Variants in CCDC66 observed in about 807,000 individuals in gnomAD.
CCDC66 encodes the protein coiled-coil domain-containing protein 66.
Under a neutral mutation model 128.3 loss-of-function variants are expected in CCDC66, and 133 were observed. That is an observed-to-expected ratio of 1.04 (90% confidence interval 0.90 to 1.20). CCDC66 has a LOEUF of 1.20. Among genes scored for constraint, CCDC66 ranks in the 50% most tolerant of loss-of-function variants. CCDC66 has a pLI of 0.00. For missense variants in CCDC66, 1,126 were observed against 1,075.5 expected, an observed-to-expected ratio of 1.05 and a Z score of -0.66; for synonymous variants, 387 against 357.0, an observed-to-expected ratio of 1.08 and a Z score of -0.95.
In CCDC66 at chr3:56,593,511, G is replaced by A; in HGVS notation, c.1089G>A (p.Trp363Ter). 1 of 1,614,076 alleles carries A rather than the reference G, an allele frequency of 6.2e-7. No homozygotes were observed. The highest frequency in any genetic ancestry group is 1.3e-5 in the African/African-American group (1 of 75,006). ...IYSKGEEHDR[W>*]AMHFDSLKSY... ...ATTAGGGTGAGGAACATGACAGATG[G>A]GCAATGCACTTTGATTCATTAAAGA... is the stretch of plus-strand genomic sequence containing the variant. The change falls in exon 9 of 18, where the codon TGG becomes TGA. Residue 363 changes from tryptophan to a stop codon, truncating the protein, a stop_gained. Transcript: ENST00000394672. LOFTEE classifies it high-confidence loss of function.
rs778229165 is a variant in CCDC66, at chr3:56,567,056, A to ACC, written c.814+3_814+4insCC. The ACC allele has an allele frequency of 2.5e-6, 4 of 1,606,580 alleles. No individual in the cohort carries two copies. The South Asian group carries it at 4.4e-5, about 18-fold the overall frequency. Reference sequence around the variant, plus strand: ...AGCCCAGTGGAGGAAAGAGCTAGGTAGGTAACTTTTATACCTTTATTATAG... The same window carrying ACC: ...AGCCCAGTGGAGGAAAGAGCTAGGTACCGGTAACTTTTATACCTTTATTATAG... On this transcript the variant is annotated splice_donor_region_variant and intron_variant, in intron 6 of 17. Coordinates refer to ENST00000394672, the MANE Select transcript of CCDC66 (RefSeq NM_001141947.3).
At chr3:56,580,943 T>G (rs2068256669) in intron 7 of CCDC66, among the ~76,000 whole-genome samples, 1 of 151,830 alleles carries the variant, frequency 6.6e-6, no homozygotes, top group South Asian at 2.1e-4. Context: ...TTCCTGAATT[T>G]GAATGTTGGC....
At chr3:56,591,037 C>G (rs372638713) in intron 7 of CCDC66, among the ~76,000 whole-genome samples, 10 of 152,318 alleles carry the variant, frequency 6.6e-5, no homozygotes, top group African/African-American at 2.4e-4. Flanking sequence ...GTTCTACCTA[C>G]TACCTCTCCC....
At chr3:56,617,716 G>C (rs1295492389) in intron 14 of CCDC66, 111 bp downstream of exon 14, 2 of 1,363,182 alleles carry the variant, frequency 1.5e-6, no homozygotes, top group Middle Eastern at 1.9e-4. Context: ...TTACATTAGG[G>C]ATCAGCAAAC....
intron 10 of CCDC66, among the ~76,000 whole-genome samples, chr3:56,609,636 G>A (rs2074526103): frequency 6.6e-6 from 1 of 152,030 alleles, no homozygotes; most frequent in Non-Finnish European, 1.5e-5. Flanking sequence ...GCGTACTTTG[G>A]ATTTGTTTTT....
intron 17 of CCDC66, 34 bp downstream of exon 17, chr3:56,619,935 C>CT (rs2076143804): frequency 6.2e-7 from 1 of 1,601,520 alleles, no homozygotes; most frequent in Admixed American, 1.7e-5. Flanking sequence ...TATGTCTGTT[C>CT]TTTATGTGGC....
chr3:56,564,684 T>G (rs552105931), intron 4 of CCDC66, among the ~76,000 whole-genome samples: 1 of 152,370 alleles, frequency 6.6e-6, no homozygotes, highest in African/African-American at 2.4e-5. Flanking sequence ...CATTGTATTG[T>G]GTTTTTAAAA....
intron 10 of CCDC66, among the ~76,000 whole-genome samples, chr3:56,595,354 A>G (rs950364361): frequency 3.9e-5 from 6 of 152,090 alleles, no homozygotes; most frequent in African/African-American, 7.2e-5. Context: ...TCATCTAACC[A>G]TATGTTTGTA....
At chr3:56,607,457 A>G (rs1401848700) in intron 10 of CCDC66, among the ~76,000 whole-genome samples, 3 of 152,192 alleles carry the variant, frequency 2.0e-5, no homozygotes, top group Non-Finnish European at 4.4e-5. Context: ...GTTGGTATAT[A>G]GAAGAGCTAC....
In CCDC66 at chr3:56,574,027, G is replaced by C. The variant is rs551319047; in HGVS notation, c.936+2725G>C. Among the ~76,000 whole-genome samples, 8 of 151,824 alleles carry C rather than the reference G, an allele frequency of 5.3e-5. No homozygotes were observed. The South Asian group carries it at 1.7e-3, about 32-fold the overall frequency. ...GCTATATCCAGGACTGGACAACCAAGAGTTAAAAGAGTATGATTATTGGCT... is the reference window on the plus strand; with the variant it reads ...GCTATATCCAGGACTGGACAACCAACAGTTAAAAGAGTATGATTATTGGCT... On this transcript the variant is annotated intron_variant, in intron 7 of 17. Coordinates refer to ENST00000394672, the MANE Select transcript of CCDC66 (RefSeq NM_001141947.3).
At chr3:56,574,851 A>G (rs1415651067) in intron 7 of CCDC66, among the ~76,000 whole-genome samples, 6 of 151,792 alleles carry the variant, frequency 4.0e-5, no homozygotes, top group Non-Finnish European at 5.9e-5. Context: ...GTTTACCCAT[A>G]CTGTAGCATG....
At chr3:56,606,725 C>T (rs1191719038) in intron 10 of CCDC66, among the ~76,000 whole-genome samples, 1 of 151,348 alleles carries the variant, frequency 6.6e-6, no homozygotes, top group Admixed American at 6.6e-5. Flanking sequence ...TCTTCCTATT[C>T]GGCCATCTTG....
intron 10 of CCDC66, among the ~76,000 whole-genome samples, chr3:56,603,127 A>C (rs543445437): frequency 2.0e-5 from 3 of 151,784 alleles, no homozygotes; most frequent in South Asian, 4.2e-4. Context: ...GAGGCACGGC[A>C]CCCGGCCCCC....
chr3:56,583,728 T>A (rs1325074077), intron 7 of CCDC66, among the ~76,000 whole-genome samples: 2 of 151,856 alleles, frequency 1.3e-5, no homozygotes, highest in African/African-American at 2.4e-5. Flanking sequence ...CAATCTGATA[T>A]CTCTATCTTT....
chr3:56,604,712 C>T (rs1023168314), intron 10 of CCDC66, among the ~76,000 whole-genome samples: 1 of 151,912 alleles, frequency 6.6e-6, no homozygotes, highest in African/African-American at 2.4e-5. Context: ...CTGCCCTTAA[C>T]ATTTTTTCCT....
chr3:56,557,583 C>CGGCTCCT, intron 1 of CCDC66: 1 of 362,168 alleles, frequency 2.8e-6, no homozygotes, highest in Admixed American at 4.4e-5. Context: ...GGAAGCGTGG[C>CGGCTCCT]GGCTCCTGGG....
Position 56,621,770 on chromosome 3 carries a change from C to A in CCDC66, c.*152C>A. On this transcript the variant is annotated 3_prime_UTR_variant, in exon 18 of 18. Transcript: ENST00000394672. The stretch of plus-strand genomic sequence containing the variant: ...GTATACTATGTAGTAAAATGCTGTA[C>A]TTGTTCTATACAATAAAACAGATAC... 3.5e-6 allele frequency: 1 copy of A among 288,672 alleles called. No individual in the cohort carries two copies. The highest frequency in any genetic ancestry group is 6.5e-6 in the Non-Finnish European group (1 of 154,710). The allele number at this position is 288,672 out of a possible 1,614,324, so 17.9% of individuals were successfully genotyped here. A position where few individuals can be genotyped will look rare whatever the true frequency, so the allele number is the denominator to read the frequency against.
chr3:56,578,789 A>T (rs2067823247), intron 7 of CCDC66, among the ~76,000 whole-genome samples: 1 of 151,670 alleles, frequency 6.6e-6, no homozygotes. Flanking sequence ...AAGCTTTTTG[A>T]TGTGCTGCTG....
Position 56,593,540 on chromosome 3 carries a change from A to G in CCDC66, c.1118A>G (p.Tyr373Cys), listed in dbSNP as rs752853705. The G allele has an allele frequency of 6.8e-6, 11 of 1,614,070 alleles. No individual in the cohort carries two copies. The African/African-American group carries it at 1.3e-4, about 20-fold the overall frequency. ...ATGCACTTTGATTCATTAAAGAGTT[A>G]TCCTGGTTCTCAATCTCAGCTGTTC... ...WAMHFDSLKSYPGSQSQLFSQ... is the reference protein window; with the variant it reads ...WAMHFDSLKSCPGSQSQLFSQ... The change falls in exon 9 of 18, where the codon TAT becomes TGT. Residue 373 changes from tyrosine (Y) to cysteine (C), a missense_variant. Transcript: ENST00000394672.
Sources: allele counts gnomAD v4.1 joint callset (sites outside exome capture counted in the v4.1 genomes callset), GRCh38; gene constraint gnomAD v4.1.1; transcripts MANE v1.5; gene names NCBI Gene and HGNC (gene_info 2026-07-23, HGNC 2026-07-21).